The following NEGR1 variants were observed in gnomAD, a reference collection of about 807,000 sequenced individuals.
The protein encoded by NEGR1 is neuronal growth regulator 1.
Under a neutral mutation model 40.9 loss-of-function variants are expected in NEGR1, and 10 were observed. The ratio of observed to expected loss-of-function variants is 0.24; its 90% CI spans 0.15 to 0.42. NEGR1 has a LOEUF of 0.42. NEGR1 is among the 10% of genes least tolerant of loss of function. The pLI, the probability that NEGR1 is intolerant of heterozygous loss-of-function variation, is 1.00. For missense variants in NEGR1, 352 were observed against 438.9 expected, an observed-to-expected ratio of 0.80 and a Z score of 1.77; for synonymous variants, 185 against 166.8, an observed-to-expected ratio of 1.11 and a Z score of -0.84.
At chr1:72,086,749 C>A (rs1415433382) in intron 1 of NEGR1, among the ~76,000 whole-genome samples, 1 of 152,162 alleles carries the variant, frequency 6.6e-6, no homozygotes, top group Non-Finnish European at 1.5e-5. Flanking sequence ...TCACATGAGT[C>A]ATTTTGGGAT....
chr1:71,472,590 A>T (rs1646789480), intron 6 of NEGR1: 2 of 152,100 alleles, frequency 1.3e-5, no homozygotes, highest in African/African-American at 2.4e-5. Flanking sequence ...AGGCACTGGA[A>T]CCAGCTGACT....
At position 71,399,007 on chromosome 1, in the gene NEGR1, G is replaced by GT. The variant is rs1342512711; in HGVS notation, c.*8438dup. 4 of 152,600 alleles carry GT rather than the reference G, an allele frequency of 2.6e-5. No homozygotes were observed. Among genetic ancestry groups the GT allele is most frequent in the Non-Finnish European group, 4.4e-5 (3 of 68,448 alleles). The allele number at this position is 152,600 out of a possible 1,614,324, so 9.5% of individuals were successfully genotyped here. On this transcript the variant is annotated 3_prime_UTR_variant, in exon 7 of 7. Transcript: ENST00000357731. ...GAGGCTTCCCCAGCCACATGGAACT[G>GT]TAGGTCCAAAAAAACCTCTTTCTTT...
intron 6 of NEGR1, among the ~76,000 whole-genome samples, chr1:71,534,277 G>C (rs1647445842): frequency 6.6e-6 from 1 of 151,628 alleles, no homozygotes; most frequent in Non-Finnish European, 1.5e-5. Flanking sequence ...TTCCTTTTTA[G>C]TCGAACTATT....
At chr1:71,715,083 C>T (rs893756626) in intron 3 of NEGR1, among the ~76,000 whole-genome samples, 8 of 152,192 alleles carry the variant, frequency 5.3e-5, no homozygotes, top group Non-Finnish European at 1.2e-4. Flanking sequence ...TCCCAAACCT[C>T]GATTCTTGAC....
chr1:71,848,761 G>T (rs1360384071), intron 2 of NEGR1, among the ~76,000 whole-genome samples: 1 of 152,182 alleles, frequency 6.6e-6, no homozygotes, highest in Admixed American at 6.5e-5. Context: ...GGATCAAGGT[G>T]TAAGTTCAAC....
chr1:71,922,369 A>T (rs2114214), intron 2 of NEGR1, among the ~76,000 whole-genome samples: 4 of 152,034 alleles, frequency 2.6e-5, no homozygotes, highest in Non-Finnish European at 5.9e-5. Flanking sequence ...GTGTGGGGGC[A>T]ACATAGAGCA....
chr1:71,913,855 GAA>G (rs10642966), intron 2 of NEGR1, among the ~76,000 whole-genome samples: 2,907 of 128,590 alleles, frequency 0.023, 49 homozygotes, highest in South Asian at 0.096. Context: ...TGAAGGAAAG[GAA>G]AAAAAAAAAA....
chr1:71,416,733 C>T (rs1350091426), intron 6 of NEGR1, among the ~76,000 whole-genome samples: 6 of 152,208 alleles, frequency 3.9e-5, no homozygotes, highest in Admixed American at 3.3e-4. Flanking sequence ...CTCTGCCATA[C>T]TTTGCACATG....
chr1:71,972,857 T>C lies in NEGR1; in HGVS notation c.177-37546A>G, dbSNP rs1646268863. 2.6e-5 allele frequency among the ~76,000 whole-genome samples: 4 copies of C among 152,284 alleles called. 1 individual carries two copies. In the South Asian group the frequency reaches 8.3e-4, roughly 32 times the overall value. On this transcript the variant is annotated intron_variant, in intron 1 of 6. Coordinates refer to ENST00000357731, the MANE Select transcript of NEGR1 (RefSeq NM_173808.3). ...GATATATTGTATACGTTAGTTTTAT[T>C]GTAGCCCTTTGGTTGGAAATCTGAG...
At chr1:71,810,649 C>G (rs963258025) in intron 2 of NEGR1, among the ~76,000 whole-genome samples, 3 of 152,232 alleles carry the variant, frequency 2.0e-5, no homozygotes, top group African/African-American at 7.2e-5. Flanking sequence ...TGGAAGGTGA[C>G]TGGATCATGA....
chr1:71,464,597 C>T (rs978062197), intron 6 of NEGR1, among the ~76,000 whole-genome samples: 1 of 151,972 alleles, frequency 6.6e-6, no homozygotes, highest in African/African-American at 2.4e-5. Flanking sequence ...TTATCCTATC[C>T]TCCCAAGAAT....
intron 2 of NEGR1, among the ~76,000 whole-genome samples, chr1:71,859,619 A>T (rs1659882585): frequency 6.6e-6 from 1 of 152,042 alleles, no homozygotes; most frequent in South Asian, 2.1e-4. Flanking sequence ...TGTTTACAAA[A>T]GCAAGCAGTA....
chr1:71,712,300 C>A (rs1031646375), intron 3 of NEGR1, among the ~76,000 whole-genome samples: 4 of 152,176 alleles, frequency 2.6e-5, no homozygotes, highest in African/African-American at 9.7e-5. Context: ...TAAGAAACCA[C>A]ATCAAAATGC....
At chr1:71,602,238 CTTTTTTTTTTT>C (rs386367303) in intron 5 of NEGR1, among the ~76,000 whole-genome samples, 5 of 64,568 alleles carry the variant, frequency 7.7e-5, no homozygotes, top group African/African-American at 2.9e-4. Context: ...CATGATTATT[CTTTTTTTTTTT>C]TTTTTTTTTT....
At chr1:71,553,760 G>A (rs535587266) in intron 6 of NEGR1, among the ~76,000 whole-genome samples, 2 of 151,516 alleles carry the variant, frequency 1.3e-5, no homozygotes, top group Non-Finnish European at 3.0e-5. Flanking sequence ...AAAAAAGTTT[G>A]ATAGGTGATG....
At chr1:71,694,464 A>T (rs1653406656) in intron 4 of NEGR1, among the ~76,000 whole-genome samples, 1 of 151,734 alleles carries the variant, frequency 6.6e-6, no homozygotes, top group African/African-American at 2.4e-5. Flanking sequence ...ATTTCTTTCT[A>T]TCTATAGTAA....
At chr1:71,919,303 C>G (rs796206097) in intron 2 of NEGR1, among the ~76,000 whole-genome samples, 1 of 152,198 alleles carries the variant, frequency 6.6e-6, no homozygotes, top group East Asian at 1.9e-4. Flanking sequence ...ACCAATATAC[C>G]AAGGCTCGTT....
chr1:71,904,759 C>T (rs77851404), intron 2 of NEGR1, among the ~76,000 whole-genome samples: 3,058 of 152,132 alleles, frequency 0.02, 61 homozygotes, highest in South Asian at 0.1. Context: ...AATCTGGTAT[C>T]CAGAAAGAAC....
At chr1:72,088,212 T>G (rs1648301596) in intron 1 of NEGR1, among the ~76,000 whole-genome samples, 1 of 152,112 alleles carries the variant, frequency 6.6e-6, no homozygotes, top group Admixed American at 6.6e-5. Context: ...GTTAGTGTGG[T>G]CCCTAGACCA....
Sources: gnomAD v4.1 joint callset for allele counts (sites outside exome capture counted in the v4.1 genomes callset) on GRCh38, gnomAD v4.1.1 for gene constraint, MANE v1.5 for transcripts, NCBI Gene and HGNC (gene_info 2026-07-23, HGNC 2026-07-21) for gene names.